Variants in LMBRD1 observed in about 807,000 individuals in gnomAD.
LMBRD1 encodes lysosomal cobalamin transport escort protein LMBD1.
Under a neutral mutation model 74.8 loss-of-function variants are expected in LMBRD1, and 64 were observed. The ratio of observed to expected loss-of-function variants is 0.86; its 90% CI spans 0.70 to 1.05. The LOEUF (loss-of-function observed/expected upper bound fraction) is 1.05. Ranked by LOEUF, LMBRD1 falls within the 50% of genes least tolerant of loss-of-function variation. The probability of loss-of-function intolerance (pLI) is 0.00; values close to 1 mark genes in which losing one functional copy is unlikely to be tolerated. For synonymous variants in LMBRD1, 204 were observed against 216.3 expected (o/e 0.94, Z 0.50); for missense variants, 652 against 645.9 (o/e 1.01, Z -0.10).
At chr6:69,772,679 G>A (rs1765600201) in intron 3 of LMBRD1, among the ~76,000 whole-genome samples, 1 of 152,116 alleles carries the variant, frequency 6.6e-6, no homozygotes, top group Non-Finnish European at 1.5e-5. Context: ...GGACAGAACT[G>A]TATCTTATCA....
intron 14 of LMBRD1, among the ~76,000 whole-genome samples, chr6:69,684,297 T>C (rs970580587): frequency 2.0e-4 from 30 of 151,684 alleles, no homozygotes; most frequent in African/African-American, 7.0e-4. Flanking sequence ...ATAGAGTAAA[T>C]GGTAGGCAGA....
At chr6:69,776,579 T>C (rs1289787887) in intron 3 of LMBRD1, among the ~76,000 whole-genome samples, 3 of 152,356 alleles carry the variant, frequency 2.0e-5, no homozygotes, top group South Asian at 2.1e-4. Flanking sequence ...AGCTCTTCTT[T>C]TGAAAACACA....
At chr6:69,763,234 G>GAAAAAAAA in intron 3 of LMBRD1, among the ~76,000 whole-genome samples, 1 of 135,494 alleles carries the variant, frequency 7.4e-6, no homozygotes, top group Non-Finnish European at 1.6e-5. Flanking sequence ...AAAGAAAAAA[G>GAAAAAAAA]AAAAAAAAAA....
intron 14 of LMBRD1, among the ~76,000 whole-genome samples, chr6:69,685,883 A>G (rs766762527): frequency 6.6e-6 from 1 of 152,222 alleles, no homozygotes; most frequent in Non-Finnish European, 1.5e-5. Context: ...GATGCATGCG[A>G]AAGTTTGATA....
At chr6:69,706,605 C>A (rs534225338) in intron 9 of LMBRD1, among the ~76,000 whole-genome samples, 2 of 152,050 alleles carry the variant, frequency 1.3e-5, no homozygotes, top group Admixed American at 1.3e-4. Flanking sequence ...GTAAGTTATA[C>A]CTTACTGATT....
At chr6:69,736,917 T>C (rs1268819208) in intron 7 of LMBRD1, among the ~76,000 whole-genome samples, 2 of 152,166 alleles carry the variant, frequency 1.3e-5, no homozygotes, top group African/African-American at 4.8e-5. Context: ...CCAATGATAT[T>C]AGATGACAAG....
intron 7 of LMBRD1, among the ~76,000 whole-genome samples, chr6:69,727,880 C>T (rs1766769850): frequency 2.0e-5 from 3 of 152,004 alleles, no homozygotes; most frequent in Admixed American, 1.3e-4. Context: ...TCTAGTACTT[C>T]CATATTCTTT....
chr6:69,696,838 A>G (rs1766012742), intron 14 of LMBRD1, among the ~76,000 whole-genome samples: 1 of 152,188 alleles, frequency 6.6e-6, no homozygotes, highest in Non-Finnish European at 1.5e-5. Flanking sequence ...GTATTCATGA[A>G]TGATTCACGC....
chr6:69,712,891 A>C (rs1699845060), intron 9 of LMBRD1, among the ~76,000 whole-genome samples: 1 of 152,156 alleles, frequency 6.6e-6, no homozygotes. Flanking sequence ...CAACAGCAAC[A>C]AAGGAAAACA....
In LMBRD1 at chr6:69,790,289, T is replaced by C; in HGVS notation, c.246+7A>G. 5 of 1,588,564 alleles carry C rather than the reference T, an allele frequency of 3.1e-6. No homozygotes were observed. The highest frequency in any genetic ancestry group is 3.5e-6 in the Non-Finnish European group (4 of 1,157,472). ...AAAAAAAATCTGCAAAGTAAGATTA[T>C]ATTTACCTTAAATGTACCATTTTGA... On this transcript the variant is annotated splice_region_variant and intron_variant, in intron 2 of 15. Coordinates refer to ENST00000649934, the MANE Select transcript of LMBRD1 (RefSeq NM_018368.4).
chr6:69,676,573 T>G, intron 14 of LMBRD1, 32 bp from the exon 15 acceptor site: 1 of 1,482,944 alleles, frequency 6.7e-7, no homozygotes, highest in South Asian at 1.1e-5. Context: ...TATGGTGAGA[T>G]AGGTTCTTTC....
chr6:69,714,884 G>A (rs1462383058), intron 8 of LMBRD1, among the ~76,000 whole-genome samples: 1 of 151,942 alleles, frequency 6.6e-6, no homozygotes, highest in Non-Finnish European at 1.5e-5. Flanking sequence ...AGAATCACTT[G>A]GAAAGTTTGT....
intron 3 of LMBRD1, among the ~76,000 whole-genome samples, chr6:69,756,470 C>T (rs778127853): frequency 2.4e-4 from 37 of 152,046 alleles, no homozygotes; most frequent in Middle Eastern, 3.4e-3. Flanking sequence ...ATCTAAATGG[C>T]TAAAATTAAA....
chr6:69,690,672 T>C (rs1342525528), intron 14 of LMBRD1, among the ~76,000 whole-genome samples: 1 of 152,166 alleles, frequency 6.6e-6, no homozygotes, highest in Non-Finnish European at 1.5e-5. Flanking sequence ...CTTGAGGTAA[T>C]GGATACCACA....
At chr6:69,771,498 C>T (rs747006355) in intron 3 of LMBRD1, among the ~76,000 whole-genome samples, 9 of 152,190 alleles carry the variant, frequency 5.9e-5, no homozygotes, top group South Asian at 4.1e-4. Flanking sequence ...CTTTGGCAGA[C>T]GCAAATCTCT....
intron 9 of LMBRD1, among the ~76,000 whole-genome samples, chr6:69,702,575 T>C (rs1174310702): frequency 6.6e-6 from 1 of 152,036 alleles, no homozygotes; most frequent in African/African-American, 2.4e-5. Context: ...GTATGAACTT[T>C]ATATTAAAGA....
intron 3 of LMBRD1, among the ~76,000 whole-genome samples, chr6:69,776,060 G>T (rs893953252): frequency 1.3e-5 from 2 of 152,012 alleles, no homozygotes; most frequent in African/African-American, 2.4e-5. Flanking sequence ...TAACAAATGT[G>T]GTTTTTTCAA....
rs761958751 is a variant in LMBRD1 at position 69,796,806 on chromosome 6, C to A, written c.69+7G>T. On this transcript the variant is annotated splice_region_variant and intron_variant, in intron 1 of 15. Coordinates refer to ENST00000649934, the MANE Select transcript of LMBRD1 (RefSeq NM_018368.4). ...AACATGGGGAAAACTCCAAGCGCCT[C>A]CCCTACCAGTAGTAAGAGGCCGAAT... 11 of 1,613,534 alleles carry A rather than the reference C, an allele frequency of 6.8e-6. No individual in the cohort carries two copies. The South Asian group carries it at 1.2e-4, about 18-fold the overall frequency.
intron 3 of LMBRD1, among the ~76,000 whole-genome samples, chr6:69,772,709 G>A (rs1765601213): frequency 6.6e-6 from 1 of 152,086 alleles, no homozygotes; most frequent in South Asian, 2.1e-4. Flanking sequence ...TTGTAAAAAG[G>A]ATTTTGAATC....
Sources: allele counts gnomAD v4.1 joint callset (sites outside exome capture counted in the v4.1 genomes callset), GRCh38; gene constraint gnomAD v4.1.1; transcripts MANE v1.5; gene names NCBI Gene and HGNC (gene_info 2026-07-23, HGNC 2026-07-21).